The following AGBL4 variants were observed in gnomAD, a reference collection of about 807,000 sequenced individuals.
AGBL4 encodes cytosolic carboxypeptidase 6.
A neutral mutation model predicts 66.4 loss-of-function variants in AGBL4; 58 were observed. The observed-to-expected ratio is 0.87, with a 90% CI of 0.71 to 1.09. The LOEUF is 1.09. AGBL4 is among the 50% of genes least tolerant of loss of function. AGBL4 has a pLI of 0.00. For synonymous variants in AGBL4, 234 were observed against 222.9 expected, an observed-to-expected ratio of 1.05 and a Z score of -0.44; for missense variants, 579 against 631.0, an observed-to-expected ratio of 0.92 and a Z score of 0.88.
intron 6 of AGBL4, chr1:48,759,205 C>T (rs1644122986): frequency 4.3e-6 from 7 of 1,610,420 alleles, no homozygotes; most frequent in Admixed American, 1.7e-5. Context: ...CAGGCTCAGG[C>T]CGTTCTGCTT....
intron 1 of AGBL4, among the ~76,000 whole-genome samples, chr1:49,874,612 T>G (rs2148120144): frequency 6.6e-6 from 1 of 152,272 alleles, no homozygotes; most frequent in African/African-American, 2.4e-5. Flanking sequence ...CTTAAAATCC[T>G]GTTCTCATTC....
rs1374124732 is a variant in AGBL4, at chr1:49,541,789, A to G, written c.282+155524T>C. ...TGAAGCCAGCTGGGCTCCTGAGTCT[A>G]TTGGGGACTTGGAGAACCTTTATGT... On this transcript the variant is annotated intron_variant, in intron 3 of 13. Transcript: ENST00000371839. Among the ~76,000 whole-genome samples the G allele has an allele frequency of 2.0e-5, 3 of 152,198 alleles. No individual in the cohort carries two copies. The East Asian group carries it at 5.8e-4, about 29-fold the overall frequency.
chr1:48,726,954 CGCATCG>C (rs779438302), intron 6 of AGBL4, among the ~76,000 whole-genome samples: 1 of 152,212 alleles, frequency 6.6e-6, no homozygotes, highest in Non-Finnish European at 1.5e-5. Context: ...GGAATCTAGA[CGCATCG>C]GCCCAAAGCC....
rs534774812 is a variant in AGBL4 at position 49,188,349 on chromosome 1, G to C, written c.377+57421C>G. ...CTATACAATGCTGGAGATTATGCCA[G>C]GCAATTGCACATTTTATTGTCATAG... On this transcript the variant is annotated intron_variant, in intron 4 of 13. Coordinates refer to ENST00000371839, the MANE Select transcript of AGBL4 (RefSeq NM_032785.4). Among the ~76,000 whole-genome samples, 15 of 152,178 alleles carry C rather than the reference G, an allele frequency of 9.9e-5. No homozygotes were observed. In the South Asian group the frequency reaches 3.1e-3, roughly 32 times the overall value.
intron 3 of AGBL4, among the ~76,000 whole-genome samples, chr1:49,565,338 C>T (rs1644167269): frequency 1.3e-5 from 2 of 152,132 alleles, no homozygotes; most frequent in African/African-American, 2.4e-5. Flanking sequence ...GAATTTGATC[C>T]TGTCATTATG....
intron 3 of AGBL4, among the ~76,000 whole-genome samples, chr1:49,401,431 T>C (rs2148611727): frequency 6.6e-6 from 1 of 152,306 alleles, no homozygotes; most frequent in Admixed American, 6.5e-5. Flanking sequence ...AAGAATCATA[T>C]GGATTCTTCA....
chr1:49,494,833 C>G (rs1446492706), intron 3 of AGBL4, among the ~76,000 whole-genome samples: 3 of 151,910 alleles, frequency 2.0e-5, no homozygotes, highest in Non-Finnish European at 4.4e-5. Context: ...AGTTCTAGAT[C>G]CCTGAGGAAT....
chr1:49,348,210 A>G (rs1447476431), intron 3 of AGBL4, among the ~76,000 whole-genome samples: 3 of 152,054 alleles, frequency 2.0e-5, no homozygotes, highest in Non-Finnish European at 4.4e-5. Flanking sequence ...CGAGGTGAGG[A>G]GATTGAGACC....
intron 11 of AGBL4, among the ~76,000 whole-genome samples, chr1:48,567,858 A>G (rs745865002): frequency 1.3e-5 from 2 of 152,120 alleles, no homozygotes; most frequent in Non-Finnish European, 2.9e-5. Context: ...ACTGAAGGAA[A>G]AGGTGAGGGG....
intron 2 of AGBL4, among the ~76,000 whole-genome samples, chr1:49,739,437 C>A (rs1175546621): frequency 2.0e-5 from 3 of 152,100 alleles, no homozygotes; most frequent in African/African-American, 7.2e-5. Flanking sequence ...GATTGGTGTA[C>A]CTGAAAGTGA....
At chr1:49,362,192 C>A (rs1371180826) in intron 3 of AGBL4, among the ~76,000 whole-genome samples, 1 of 152,072 alleles carries the variant, frequency 6.6e-6, no homozygotes, top group Admixed American at 6.6e-5. Context: ...GCTCATATAG[C>A]AACCCTCTTA....
At chr1:49,238,764 G>C (rs1395717186) in intron 4 of AGBL4, among the ~76,000 whole-genome samples, 1 of 152,034 alleles carries the variant, frequency 6.6e-6, no homozygotes, top group Non-Finnish European at 1.5e-5. Context: ...CCTTTTTCTG[G>C]TCCTTCATTT....
At chr1:49,571,119 G>A (rs1346793282) in intron 3 of AGBL4, among the ~76,000 whole-genome samples, 1 of 147,190 alleles carries the variant, frequency 6.8e-6, no homozygotes, top group Non-Finnish European at 1.5e-5. Context: ...TTCTAATTCT[G>A]TGAAAGACGG....
intron 3 of AGBL4, among the ~76,000 whole-genome samples, chr1:49,406,101 G>A (rs1401140923): frequency 6.6e-6 from 1 of 152,188 alleles, no homozygotes; most frequent in Non-Finnish European, 1.5e-5. Context: ...CTTTCCAAGA[G>A]GGAACTGTCT....
At chr1:49,828,679 T>C (rs1158926228) in intron 2 of AGBL4, among the ~76,000 whole-genome samples, 2 of 152,096 alleles carry the variant, frequency 1.3e-5, no homozygotes, top group Admixed American at 6.6e-5. Flanking sequence ...CCAATGAAGG[T>C]TTAAAATAGG....
intron 5 of AGBL4, among the ~76,000 whole-genome samples, chr1:48,918,947 T>A (rs1292312905): frequency 6.6e-6 from 1 of 152,136 alleles, no homozygotes; most frequent in East Asian, 1.9e-4. Flanking sequence ...CTCTGAATAT[T>A]CAGATCTCTG....
At position 48,771,143 on chromosome 1, in the gene AGBL4, C is replaced by T. The variant is rs150831251; in HGVS notation, c.634+96048G>A. Among the ~76,000 whole-genome samples, 953 of 152,272 alleles carry T rather than the reference C, an allele frequency of 6.3e-3. 38 individuals are homozygous for T. The highest frequency in any genetic ancestry group is 0.058 in the Admixed American group (893 of 15,308). ...CATTTCCCTGGAGTATAAGACTGAC[C>T]ACCTAGTATAACTCAATACTTGTGG... On this transcript the variant is annotated intron_variant, in intron 6 of 13. Coordinates refer to ENST00000371839, the MANE Select transcript of AGBL4 (RefSeq NM_032785.4).
intron 3 of AGBL4, among the ~76,000 whole-genome samples, chr1:49,542,554 T>G (rs1326762226): frequency 6.6e-6 from 1 of 152,080 alleles, no homozygotes; most frequent in East Asian, 1.9e-4. Context: ...CCGGACACAT[T>G]TGGATCACAA....
intron 1 of AGBL4, among the ~76,000 whole-genome samples, chr1:49,940,036 G>A (rs891385434): frequency 5.1e-4 from 78 of 152,250 alleles, no homozygotes; most frequent in Admixed American, 1.0e-3. Flanking sequence ...CAAAAAGTGG[G>A]TGAAGGACAT....
Sources: allele counts gnomAD v4.1 joint callset (sites outside exome capture counted in the v4.1 genomes callset), GRCh38; gene constraint gnomAD v4.1.1; transcripts MANE v1.5; gene names NCBI Gene and HGNC (gene_info 2026-07-23, HGNC 2026-07-21).